Variants in ERBB4 observed in about 807,000 individuals in gnomAD.
ERBB4 encodes erb-b2 receptor tyrosine kinase 4, also known as receptor tyrosine-protein kinase erbB-4.
ERBB4 carries 42 observed loss-of-function variants against 158.0 expected under a neutral mutation model. That is an observed-to-expected ratio of 0.27 (90% CI 0.21 to 0.34). The LOEUF (loss-of-function observed/expected upper bound fraction) is 0.34, where lower values mean the gene tolerates loss of function less well. ERBB4 is among the 10% of genes least tolerant of loss of function. The pLI is 1.00. For synonymous variants in ERBB4, 583 were observed against 558.7 expected, an observed-to-expected ratio of 1.04 and a Z score of -0.61; for missense variants, 1,333 against 1,624.1, an observed-to-expected ratio of 0.82 and a Z score of 3.08.
At position 211,473,438 on chromosome 2, in the gene ERBB4, A is replaced by G. The variant is rs2064878955; in HGVS notation, c.2488-42338T>C. On this transcript the variant is annotated intron_variant, in intron 20 of 27. Coordinates refer to ENST00000342788, the MANE Select transcript of ERBB4 (RefSeq NM_005235.3). ...CCAGTTTGTGGCAGATTGTTACAGC[A>G]GCCACAGAAAATTAGAACACAGGAA... Among the ~76,000 whole-genome samples the G allele has an allele frequency of 2.6e-5, 4 of 152,116 alleles. No homozygotes were observed. The South Asian group carries it at 8.3e-4, about 32-fold the overall frequency.
chr2:211,675,921 C>A (rs944189304), intron 13 of ERBB4, among the ~76,000 whole-genome samples: 1 of 150,868 alleles, frequency 6.6e-6, no homozygotes, highest in African/African-American at 2.4e-5. Flanking sequence ...GATAAATAGA[C>A]GAAAAAGAAA....
At chr2:212,346,071 T>C (rs1345555042) in intron 1 of ERBB4, among the ~76,000 whole-genome samples, 1 of 152,194 alleles carries the variant, frequency 6.6e-6, no homozygotes. Context: ...TTTTTGCTAA[T>C]ATTAATTGTC....
intron 16 of ERBB4, among the ~76,000 whole-genome samples, chr2:211,644,368 AT>A (rs2070709069): frequency 6.6e-6 from 1 of 151,748 alleles, no homozygotes; most frequent in African/African-American, 2.4e-5. Context: ...GGGGAAACCC[AT>A]TTTTTTCAAA....
intron 5 of ERBB4, among the ~76,000 whole-genome samples, chr2:211,743,206 C>T (rs1320117177): frequency 6.6e-6 from 1 of 152,162 alleles, no homozygotes; most frequent in African/African-American, 2.4e-5. Context: ...TATAAAGCAA[C>T]TTAGAAAACT....
At chr2:211,568,138 AT>A (rs10707880) in intron 19 of ERBB4, among the ~76,000 whole-genome samples, 9,256 of 148,656 alleles carry the variant, frequency 0.062, 716 homozygotes, top group African/African-American at 0.19. Flanking sequence ...TTGCTTTACA[AT>A]TTTTTTTTTT....
At position 212,112,588 on chromosome 2, in the gene ERBB4, T is replaced by A. The variant is rs2079445919; in HGVS notation, c.234+12164A>T. 2.0e-5 allele frequency among the ~76,000 whole-genome samples: 3 copies of A among 152,128 alleles called. No homozygotes were observed. The South Asian group carries it at 6.2e-4, about 32-fold the overall frequency. The stretch of plus-strand genomic sequence containing the variant: ...TGTGTGAAGTTTAAAGTGAAAGAAC[T>A]GGTTTAAAATGCTCACTTTGCCCAT... On this transcript the variant is annotated intron_variant, in intron 2 of 27. Transcript: ENST00000342788.
At chr2:211,925,376 CTTTTTTTTT>C (rs71054150) in intron 3 of ERBB4, among the ~76,000 whole-genome samples, 15 of 81,576 alleles carry the variant, frequency 1.8e-4, no homozygotes, top group Admixed American at 6.5e-4. Context: ...AACAAGACTG[CTTTTTTTTT>C]TTTTTTTTTT....
At chr2:212,479,475 C>A (rs1236036911) in intron 1 of ERBB4, among the ~76,000 whole-genome samples, 3 of 152,142 alleles carry the variant, frequency 2.0e-5, no homozygotes, top group African/African-American at 7.2e-5. Context: ...TTTATAAACA[C>A]AAGAGCACCC....
At chr2:211,957,103 GACAGATGTGA>G (rs1189833286) in intron 2 of ERBB4, among the ~76,000 whole-genome samples, 1 of 152,034 alleles carries the variant, frequency 6.6e-6, no homozygotes, top group African/African-American at 2.4e-5. Context: ...GTGCTAGGAT[GACAGATGTGA>G]GCCACTGTGC....
chr2:211,721,644 T>TAC lies in ERBB4; in HGVS notation c.883+747_883+748dup, dbSNP rs1553618129. ...ACATATATATATATATATATATATATACATGTTTTGTTTAAGGTTAACTTG... is the reference window on the plus strand; with the variant it reads ...ACATATATATATATATATATATATATACACATGTTTTGTTTAAGGTTAACTTG... On this transcript the variant is annotated intron_variant, in intron 7 of 27. Coordinates refer to ENST00000342788, the MANE Select transcript of ERBB4 (RefSeq NM_005235.3). 1.3e-4 allele frequency among the ~76,000 whole-genome samples: 19 copies of TAC among 144,734 alleles called. No homozygotes were observed. The East Asian group carries it at 2.4e-3, about 18-fold the overall frequency. 95.0% of individuals were successfully genotyped at this position (144,734 alleles called of 152,430 possible). A position where few individuals can be genotyped will look rare whatever the true frequency, so the allele number is the denominator to read the frequency against.
intron 1 of ERBB4, among the ~76,000 whole-genome samples, chr2:212,186,851 T>A (rs1350786547): frequency 6.6e-6 from 1 of 152,194 alleles, no homozygotes; most frequent in African/African-American, 2.4e-5. Context: ...TTTCTCTATA[T>A]TATAGCAGTT....
intron 1 of ERBB4, among the ~76,000 whole-genome samples, chr2:212,381,485 G>A (rs574497272): frequency 2.2e-4 from 33 of 151,380 alleles, no homozygotes; most frequent in African/African-American, 8.0e-4. Flanking sequence ...TGTGTAGTGA[G>A]ACATTACTTT....
intron 3 of ERBB4, among the ~76,000 whole-genome samples, chr2:211,899,416 G>A (rs6754240): frequency 0.34 from 51,948 of 151,840 alleles, 9,768 homozygotes; most frequent in African/African-American, 0.5. Context: ...TCATCTACCA[G>A]TAACATTTTA....
chr2:211,627,647 AAGG>A (rs1299546197), intron 17 of ERBB4, among the ~76,000 whole-genome samples: 1 of 152,204 alleles, frequency 6.6e-6, no homozygotes. Flanking sequence ...TCAGTGTTCA[AAGG>A]AGAAGTGAAA....
intron 2 of ERBB4, among the ~76,000 whole-genome samples, chr2:212,120,986 G>C (rs957373516): frequency 1.3e-5 from 2 of 152,144 alleles, no homozygotes; most frequent in Admixed American, 1.3e-4. Context: ...TTGGAGAGAA[G>C]CTACTAAGAG....
chr2:212,146,303 T>G (rs2125617033), intron 1 of ERBB4, among the ~76,000 whole-genome samples: 1 of 152,318 alleles, frequency 6.6e-6, no homozygotes, highest in Admixed American at 6.5e-5. Context: ...GACTTCTATT[T>G]TCTGTTTTAT....
chr2:212,155,491 CG>C, intron 1 of ERBB4, among the ~76,000 whole-genome samples: 1 of 152,096 alleles, frequency 6.6e-6, no homozygotes, highest in East Asian at 1.9e-4. Context: ...TCTCTGGCCC[CG>C]CCCCAGACCT....
chr2:211,824,851 C>G (rs1484651376), intron 3 of ERBB4, among the ~76,000 whole-genome samples: 1 of 151,828 alleles, frequency 6.6e-6, no homozygotes, highest in Non-Finnish European at 1.5e-5. Flanking sequence ...GCAGTGGCAC[C>G]AACTTATTTA....
chr2:211,559,405 C>G (rs1186804034), intron 20 of ERBB4, among the ~76,000 whole-genome samples: 1 of 152,178 alleles, frequency 6.6e-6, no homozygotes, highest in Admixed American at 6.5e-5. Context: ...ATTTTTCTTG[C>G]TATACTGGGT....
Sources: allele counts gnomAD v4.1 joint callset (sites outside exome capture counted in the v4.1 genomes callset), GRCh38; gene constraint gnomAD v4.1.1; transcripts MANE v1.5; gene names NCBI Gene and HGNC (gene_info 2026-07-23, HGNC 2026-07-21).